The following GCNT4 variants were observed in gnomAD, a reference collection of about 807,000 sequenced individuals.
GCNT4 encodes the protein beta-1,3-galactosyl-O-glycosyl-glycoprotein beta-1,6-N-acetylglucosaminyltransferase 4.
Under a neutral mutation model 31.3 loss-of-function variants are expected in GCNT4, and 17 were observed. The ratio of observed to expected loss-of-function variants is 0.54; its 90% CI spans 0.37 to 0.81. The LOEUF (loss-of-function observed/expected upper bound fraction) is 0.81. Among genes scored for constraint, GCNT4 ranks in the 40% least tolerant of loss-of-function variants. The probability of loss-of-function intolerance (pLI) is 0.00; values close to 1 mark genes in which losing one functional copy is unlikely to be tolerated. For synonymous variants in GCNT4, 158 were observed against 190.6 expected (o/e 0.83, Z 1.41); for missense variants, 503 against 525.5 (o/e 0.96, Z 0.42).
chr5:75,042,442 T>C (rs1487697041), intron 3 of GCNT4, among the ~76,000 whole-genome samples: 3 of 152,206 alleles, frequency 2.0e-5, no homozygotes, highest in African/African-American at 7.2e-5. Context: ...TCCATATTTT[T>C]CAACTGGCCA....
the GCNT4 span, among the ~76,000 whole-genome samples, chr5:75,018,565 C>A: frequency 6.6e-6 from 1 of 152,028 alleles, no homozygotes; most frequent in Non-Finnish European, 1.5e-5. Flanking sequence ...GTGATCCCCC[C>A]CAAAGTGCTG....
At chr5:75,039,230 T>C (rs763061364) in intron 3 of GCNT4, among the ~76,000 whole-genome samples, 16 of 152,194 alleles carry the variant, frequency 1.1e-4, no homozygotes, top group Non-Finnish European at 1.9e-4. Flanking sequence ...GCTGGGATTA[T>C]AGGCACCCAC....
In GCNT4 at chr5:75,029,090, G is replaced by A. The variant is rs1743006889; in HGVS notation, c.948C>T (p.Phe316=). The A allele has an allele frequency of 6.2e-7, 1 of 1,613,968 alleles. No homozygotes were observed. Among genetic ancestry groups the A allele is most frequent in the South Asian group, 1.1e-5 (1 of 91,084 alleles). The change falls in exon 4 of 4, where the codon TTC becomes TTT. Residue 316 remains phenylalanine, a synonymous_variant. Coordinates refer to ENST00000652361, the MANE Select transcript of GCNT4 (RefSeq NM_001366737.1). ...AAAAGTCTTGAACGATGGAGTTGTTGAAAATATATTTAACAAATGCTTGAC... is the reference window on the plus strand; with the variant it reads ...AAAAGTCTTGAACGATGGAGTTGTTAAAAATATATTTAACAAATGCTTGAC... ...VLSQAFVKYI[F]NNSIVQDFFA...
intron 2 of GCNT4, among the ~76,000 whole-genome samples, chr5:75,049,419 A>G (rs1743516871): frequency 6.6e-6 from 1 of 152,128 alleles, no homozygotes; most frequent in African/African-American, 2.4e-5. Context: ...TACTGATCCA[A>G]TCCTGTCTCC....
downstream of GCNT4, among the ~76,000 whole-genome samples, chr5:75,022,911 A>G (rs1346152840): frequency 6.6e-6 from 1 of 152,178 alleles, no homozygotes; most frequent in Admixed American, 6.5e-5. Context: ...AAAGCAAGAG[A>G]GATGGGGAGA....
intron 3 of GCNT4, among the ~76,000 whole-genome samples, chr5:75,038,262 T>C (rs977598075): frequency 2.0e-5 from 3 of 152,198 alleles, no homozygotes; most frequent in Non-Finnish European, 2.9e-5. Flanking sequence ...ATAGAATTCA[T>C]GTATCTAGGT....
chr5:75,019,844 GAGTA>G, the GCNT4 span, among the ~76,000 whole-genome samples: 2 of 152,192 alleles, frequency 1.3e-5, no homozygotes, highest in Non-Finnish European at 2.9e-5. Context: ...TGCTAAATGA[GAGTA>G]AGATCACTTA....
intron 3 of GCNT4, 92 bp downstream of exon 3, chr5:75,047,805 A>C (rs2149977120): frequency 6.6e-6 from 1 of 152,272 alleles, no homozygotes; most frequent in Admixed American, 6.5e-5. Flanking sequence ...TAGGTAAAGC[A>C]GAGAGAAATT....
rs747457494 is a variant in GCNT4 at position 75,028,917 on chromosome 5, T to G, written c.1121A>C (p.Tyr374Ser). The G allele has an allele frequency of 6.2e-7, 1 of 1,613,904 alleles. No homozygotes were observed. Among genetic ancestry groups the G allele is most frequent in the Non-Finnish European group, 8.5e-7 (1 of 1,180,012 alleles). ...SKTRLVKWNY[Y>S]EGFFYPSCTG... Reference sequence around the variant, plus strand: ...ACAACTGGGATAGAAAAAGCCTTCATAGTAATTCCACTTGACAAGGCGAGT... The same window carrying G: ...ACAACTGGGATAGAAAAAGCCTTCAGAGTAATTCCACTTGACAAGGCGAGT... The change falls in exon 4 of 4, where the codon TAT (tyrosine) becomes TCT (serine). Residue 374 changes from tyrosine (Y) to serine (S), a missense_variant. By Grantham distance (144) the Tyr-to-Ser change is moderately radical. Transcript: ENST00000652361.
chr5:75,025,019 G>A (rs1742926627), downstream of GCNT4, among the ~76,000 whole-genome samples: 1 of 150,048 alleles, frequency 6.7e-6, no homozygotes, highest in Non-Finnish European at 1.5e-5. Flanking sequence ...TGAGGGACCT[G>A]AGATAAAAAG....
In GCNT4 at chr5:75,028,917, T is replaced by C. The variant is rs747457494; in HGVS notation, c.1121A>G (p.Tyr374Cys). Residue 374 changes from tyrosine to cysteine, a missense_variant, in exon 4 of 4, where the codon TAT becomes TGT. Tyr to Cys is a radical substitution (Grantham distance 194, BLOSUM62 -2). Transcript: ENST00000652361. Reference sequence around the variant, plus strand: ...ACAACTGGGATAGAAAAAGCCTTCATAGTAATTCCACTTGACAAGGCGAGT... The same window carrying C: ...ACAACTGGGATAGAAAAAGCCTTCACAGTAATTCCACTTGACAAGGCGAGT... ...SKTRLVKWNY[Y>C]EGFFYPSCTG... The C allele has an allele frequency of 8.7e-6, 14 of 1,613,904 alleles. No individual in the cohort carries two copies. The highest frequency in any genetic ancestry group is 4.0e-5 in the African/African-American group (3 of 74,918).
chr5:75,046,205 G>A (rs1352398495), intron 3 of GCNT4, among the ~76,000 whole-genome samples: 3 of 151,982 alleles, frequency 2.0e-5, no homozygotes, highest in African/African-American at 7.3e-5. Context: ...CTCTGAATTT[G>A]CCAACCTCAG....
Position 75,026,838 on chromosome 5 carries a change from G to C in GCNT4, c.*1838C>G, listed in dbSNP as rs1742956072. ...CTATACAATGTTTACTTATTTTGAA[G>C]AATGGGGCTTGGTAATAGTTATTTC... On this transcript the variant is annotated 3_prime_UTR_variant, in exon 4 of 4. Transcript: ENST00000652361. 1.3e-5 allele frequency: 2 copies of C among 152,002 alleles called. No individual in the cohort carries two copies. The highest frequency in any genetic ancestry group is 2.4e-5 in the African/African-American group (1 of 41,370). The allele number at this position is 152,002 out of a possible 1,614,324, so 9.4% of individuals were successfully genotyped here.
intron 2 of GCNT4, among the ~76,000 whole-genome samples, chr5:75,050,798 G>A (rs1470804093): frequency 1.3e-5 from 2 of 152,200 alleles, no homozygotes; most frequent in African/African-American, 4.8e-5. Context: ...CCTTGAATCC[G>A]CCCAACGTGT....
At chr5:75,017,943 G>A in the GCNT4 span, among the ~76,000 whole-genome samples, 1 of 152,206 alleles carries the variant, frequency 6.6e-6, no homozygotes, top group African/African-American at 2.4e-5. Context: ...ATTCTTGCAT[G>A]TTAAAGAGGG....
chr5:75,022,173 C>A (rs937662584), downstream of GCNT4, among the ~76,000 whole-genome samples: 3 of 152,184 alleles, frequency 2.0e-5, no homozygotes, highest in Non-Finnish European at 2.9e-5. Flanking sequence ...CTCACACCCT[C>A]CAAAATTCAT....
chr5:75,053,198 C>T (rs1743626199), upstream of GCNT4, among the ~76,000 whole-genome samples: 1 of 145,814 alleles, frequency 6.9e-6, no homozygotes, highest in African/African-American at 2.7e-5. Flanking sequence ...CCCGAAGTTG[C>T]GGCGTCTGCT....
chr5:75,023,902 G>A (rs1268186466), downstream of GCNT4: 1 of 152,176 alleles, frequency 6.6e-6, no homozygotes, highest in Non-Finnish European at 1.5e-5. Context: ...TCAACCGAGG[G>A]TGCTCCAGGA....
At chr5:75,018,602 CAT>C in the GCNT4 span, among the ~76,000 whole-genome samples, 17,149 of 152,106 alleles carry the variant, frequency 0.11, 1,192 homozygotes, top group African/African-American at 0.2. Context: ...CCACCAGTAA[CAT>C]GTTTTAAGTG....
Sources: allele counts gnomAD v4.1 joint callset (sites outside exome capture counted in the v4.1 genomes callset), GRCh38; gene constraint gnomAD v4.1.1; transcripts MANE v1.5; gene names NCBI Gene and HGNC (gene_info 2026-07-23, HGNC 2026-07-21).